Variants in VDAC1 observed in about 807,000 individuals in gnomAD.
The protein encoded by VDAC1 is voltage dependent anion channel 1, also known as non-selective voltage-gated ion channel VDAC1.
Under a neutral mutation model 34.7 loss-of-function variants are expected in VDAC1, and 10 were observed. The observed-to-expected ratio is 0.29, with a 90% confidence interval of 0.18 to 0.49. VDAC1 has a LOEUF of 0.49. Among genes scored for constraint, VDAC1 ranks in the 20% least tolerant of loss-of-function variants. The pLI, the probability that VDAC1 is intolerant of heterozygous loss-of-function variation, is 0.99. For missense variants in VDAC1, 230 were observed against 347.9 expected (o/e 0.66, Z 2.69); for synonymous variants, 130 against 136.0 (o/e 0.96, Z 0.30).
chr5:134,056,032 A>C, the VDAC1 span, among the ~76,000 whole-genome samples: 1 of 151,974 alleles, frequency 6.6e-6, no homozygotes, highest in African/African-American at 2.4e-5. Context: ...TGAGGTCAAG[A>C]GTTTGAGACC....
chr5:134,076,130 C>G, the VDAC1 span, among the ~76,000 whole-genome samples: 2 of 152,234 alleles, frequency 1.3e-5, no homozygotes, highest in Non-Finnish European at 2.9e-5. Flanking sequence ...TAGGCACATG[C>G]CACCATGTCT....
At position 133,972,260 on chromosome 5, in the gene VDAC1, C is replaced by A. The variant is rs2126884553; in HGVS notation, c.*511G>T. ...CCACCCCAAAATGGCACAAAAGAAA[C>A]AGTTACCACACCCTGCAGACCTTTT... On this transcript the variant is annotated 3_prime_UTR_variant, in exon 9 of 9. Transcript: ENST00000265333. 1 of 204,518 alleles carries A rather than the reference C, an allele frequency of 4.9e-6. No individual in the cohort carries two copies. Among genetic ancestry groups the A allele is most frequent in the Non-Finnish European group, 9.7e-6 (1 of 102,950 alleles). The allele number at this position is 204,518 out of a possible 1,614,324, so 12.7% of individuals were successfully genotyped here.
chr5:134,095,639 G>A, the VDAC1 span, among the ~76,000 whole-genome samples: 30 of 152,014 alleles, frequency 2.0e-4, no homozygotes, highest in South Asian at 4.6e-3. Flanking sequence ...TATACCTAAC[G>A]TTGCCATCCC....
At chr5:134,000,697 T>A (rs1333836456) in intron 1 of VDAC1, among the ~76,000 whole-genome samples, 1 of 47,768 alleles carries the variant, frequency 2.1e-5, no homozygotes, top group Non-Finnish European at 3.9e-5. Flanking sequence ...AGCTCTAATA[T>A]GGAGAAAGAG....
At chr5:134,012,755 A>T in the VDAC1 span, among the ~76,000 whole-genome samples, 2 of 152,142 alleles carry the variant, frequency 1.3e-5, no homozygotes, top group South Asian at 4.1e-4. Context: ...TAAAATTTAT[A>T]TTAAACAAAA....
the VDAC1 span, among the ~76,000 whole-genome samples, chr5:134,089,131 G>A: frequency 6.6e-6 from 1 of 152,248 alleles, no homozygotes; most frequent in South Asian, 2.1e-4. Context: ...GCCTGGACTT[G>A]CTTTTCTCCA....
chr5:134,049,580 T>G, the VDAC1 span, among the ~76,000 whole-genome samples: 57 of 152,254 alleles, frequency 3.7e-4, no homozygotes, highest in East Asian at 7.7e-3. Flanking sequence ...AAAGTTTATT[T>G]TTTTGTTTGT....
the VDAC1 span, among the ~76,000 whole-genome samples, chr5:134,065,408 T>C: frequency 6.6e-6 from 1 of 150,384 alleles, no homozygotes; most frequent in East Asian, 2.0e-4. Context: ...GTGGCACATC[T>C]TGGCTCACTG....
the VDAC1 span, among the ~76,000 whole-genome samples, chr5:134,015,888 C>T: frequency 6.6e-6 from 1 of 152,284 alleles, no homozygotes. Context: ...TGTGATCTGC[C>T]TGCCTCGGCC....
chr5:134,105,812 C>T, the VDAC1 span, among the ~76,000 whole-genome samples: 1 of 152,274 alleles, frequency 6.6e-6, no homozygotes, highest in Non-Finnish European at 1.5e-5. Flanking sequence ...CAGCCAACCC[C>T]TCATCTGACT....
At chr5:134,041,715 T>C in the VDAC1 span, among the ~76,000 whole-genome samples, 1 of 152,158 alleles carries the variant, frequency 6.6e-6, no homozygotes, top group Non-Finnish European at 1.5e-5. Flanking sequence ...GACTTGGGCC[T>C]CCTGCCTTCC....
At chr5:133,997,838 C>T (rs1053084375) in intron 1 of VDAC1, among the ~76,000 whole-genome samples, 3 of 151,230 alleles carry the variant, frequency 2.0e-5, no homozygotes, top group South Asian at 2.1e-4. Flanking sequence ...CCGAGGTGGG[C>T]GGGTCACCTG....
chr5:133,978,152 A>C (rs946545928), intron 6 of VDAC1, among the ~76,000 whole-genome samples: 16 of 151,006 alleles, frequency 1.1e-4, no homozygotes. Context: ...AAATCAGAGA[A>C]TACATTCTAA....
the VDAC1 span, among the ~76,000 whole-genome samples, chr5:134,060,485 A>G: frequency 2.8e-4 from 42 of 152,116 alleles, no homozygotes; most frequent in African/African-American, 9.4e-4. Flanking sequence ...GATATATGAT[A>G]CACTTGTGAA....
the VDAC1 span, among the ~76,000 whole-genome samples, chr5:134,024,167 G>T: frequency 1.3e-5 from 2 of 151,126 alleles, no homozygotes; most frequent in African/African-American, 4.9e-5. Context: ...AAAGAATGAA[G>T]TGAGCAAGTA....
chr5:134,008,153 GC>G (rs1470588531), upstream of VDAC1, among the ~76,000 whole-genome samples: 1 of 69,070 alleles, frequency 1.4e-5, no homozygotes, highest in Non-Finnish European at 3.0e-5. Flanking sequence ...GCCTCCCACC[GC>G]CCCCGATCCC....
rs759727645 is a variant in VDAC1, at chr5:133,975,192, C to G, written c.702+679G>C. Among the ~76,000 whole-genome samples the G allele has an allele frequency of 4.0e-4, 61 of 152,152 alleles. 1 individual carries two copies. The highest frequency in any genetic ancestry group is 5.1e-4 in the Non-Finnish European group (35 of 67,998). ...CTGAGGTGGCAGGATTACTTGAGCA[C>G]AGGAGGATGAGGCTGCAGTGAGCTG... On this transcript the variant is annotated intron_variant, in intron 7 of 8. Coordinates refer to ENST00000265333, the MANE Select transcript of VDAC1 (RefSeq NM_003374.3).
chr5:134,034,978 G>GC, the VDAC1 span, among the ~76,000 whole-genome samples: 1 of 152,040 alleles, frequency 6.6e-6, no homozygotes, highest in East Asian at 1.9e-4. Context: ...ATATAGATGT[G>GC]CATGTATATG....
At chr5:134,003,824 T>C (rs1363973522) in intron 1 of VDAC1, among the ~76,000 whole-genome samples, 1 of 152,252 alleles carries the variant, frequency 6.6e-6, no homozygotes, top group African/African-American at 2.4e-5. Context: ...GTATGGGGAC[T>C]TCCCAGCTGT....
Sources: allele counts gnomAD v4.1 joint callset (sites outside exome capture counted in the v4.1 genomes callset), GRCh38; gene constraint gnomAD v4.1.1; transcripts MANE v1.5; gene names NCBI Gene and HGNC (gene_info 2026-07-23, HGNC 2026-07-21).